CCNA2: variants seen among roughly 807,000 people sequenced by gnomAD.
CCNA2 encodes cyclin-A2.
A neutral mutation model predicts 49.4 loss-of-function variants in CCNA2; 3 were observed. The observed-to-expected ratio is 0.06, with a 90% confidence interval of 0.03 to 0.16. CCNA2 has a LOEUF of 0.16. Among genes scored for constraint, CCNA2 ranks in the 10% least tolerant of loss-of-function variants. The pLI is 1.00. For synonymous variants in CCNA2, 206 were observed against 197.2 expected, an observed-to-expected ratio of 1.04 and a Z score of -0.37; for missense variants, 372 against 519.7, an observed-to-expected ratio of 0.72 and a Z score of 2.76.
In CCNA2 at chr4:121,822,393, T is replaced by C; in HGVS notation, c.457+10A>G. On this transcript the variant is annotated intron_variant, in intron 2 of 7. Transcript: ENST00000274026. ...ACCGTAATTCCACACAGATTTTCCT[T>C]AAAACTTACCAAAACTACCATCCAT... The C allele has an allele frequency of 6.2e-7, 1 of 1,612,326 alleles. No homozygotes were observed. Among genetic ancestry groups the C allele is most frequent in the Non-Finnish European group, 8.5e-7 (1 of 1,178,908 alleles).
At chr4:121,821,583 G>A (rs1724693237) in intron 2 of CCNA2, among the ~76,000 whole-genome samples, 2 of 152,130 alleles carry the variant, frequency 1.3e-5, no homozygotes, top group Admixed American at 1.3e-4. Context: ...TTTGTTATGG[G>A]CAAATGGATT....
rs1724566036 is a variant in CCNA2, at chr4:121,817,417, C to CTT, written c.*219_*220dup. 1 of 458,496 alleles carries CTT rather than the reference C, an allele frequency of 2.2e-6. No individual in the cohort carries two copies. The highest frequency in any genetic ancestry group is 3.9e-5 in the Admixed American group (1 of 25,904). 28.4% of individuals were successfully genotyped at this position (458,496 alleles called of 1,614,324 possible). A position where few individuals can be genotyped will look rare whatever the true frequency, so the allele number is the denominator to read the frequency against. On this transcript the variant is annotated 3_prime_UTR_variant, in exon 8 of 8. Transcript: ENST00000274026. ...ATCCTGACAGCTGGCATCATTAATA[C>CTT]TTTAACAAAACCACTTAAAATTAGC... is the stretch of plus-strand genomic sequence containing the variant.
In CCNA2 at chr4:121,823,721, A is replaced by G; in HGVS notation, c.-93T>C. On this transcript the variant is annotated 5_prime_UTR_variant, in exon 1 of 8. Transcript: ENST00000274026. ...ACCACTCGCACCGACCCGGCCAAAG[A>G]ATAGTCGTAGCCGCCGGTCGCAGCC... 1 of 1,457,932 alleles carries G rather than the reference A, an allele frequency of 6.9e-7. No individual in the cohort carries two copies. Among genetic ancestry groups the G allele is most frequent in the Non-Finnish European group, 9.0e-7 (1 of 1,107,796 alleles). The allele number at this position is 1,457,932 out of a possible 1,614,324, so 90.3% of individuals were successfully genotyped here. A position where few individuals can be genotyped will look rare whatever the true frequency, so the allele number is the denominator to read the frequency against.
At position 121,817,725 on chromosome 4, in the gene CCNA2, T is replaced by A. The variant is rs760579961; in HGVS notation, c.1251-39A>T. 5 of 1,611,616 alleles carry A rather than the reference T, an allele frequency of 3.1e-6. No individual in the cohort carries two copies. The South Asian group carries it at 3.3e-5, about 11-fold the overall frequency. On this transcript the variant is annotated intron_variant, in intron 7 of 7. Coordinates refer to ENST00000274026, the MANE Select transcript of CCNA2 (RefSeq NM_001237.5). ...AAAAAAAAGCATTTTTAGTAAACACTCACTGGGTAAAGGAGATCATGGAAT... is the reference window on the plus strand; with the variant it reads ...AAAAAAAAGCATTTTTAGTAAACACACACTGGGTAAAGGAGATCATGGAAT...
chr4:121,820,941 C>G lies in CCNA2; in HGVS notation c.570+38G>C, dbSNP rs1724677217. ...CTCAATTTCATTTAGCCACATTTAA[C>G]AAATACATTATACAAACTGGATTCA... On this transcript the variant is annotated intron_variant, in intron 3 of 7. Coordinates refer to ENST00000274026, the MANE Select transcript of CCNA2 (RefSeq NM_001237.5). This position sits in a 1 kb window ranked among gnomAD's most constrained non-coding sequence, Gnocchi z 4.1. 6 of 1,537,210 alleles carry G rather than the reference C, an allele frequency of 3.9e-6. No individual in the cohort carries two copies. The highest frequency in any genetic ancestry group is 5.4e-6 in the Non-Finnish European group (6 of 1,118,264).
rs1724514838 is a variant in CCNA2 at position 121,816,490 on chromosome 4, A to G, written c.*1148T>C. ...TATTTCAAATGTATACATATACTCA[A>G]CACTTATAGAGGTTTGCTCTCTGGT... On this transcript the variant is annotated 3_prime_UTR_variant, in exon 8 of 8. Transcript: ENST00000274026. 3 of 1,241,782 alleles carry G rather than the reference A, an allele frequency of 2.4e-6. No homozygotes were observed. The highest frequency in any genetic ancestry group is 3.1e-5 in the African/African-American group (2 of 65,472). 76.9% of individuals were successfully genotyped at this position (1,241,782 alleles called of 1,614,324 possible). A position where few individuals can be genotyped will look rare whatever the true frequency, so the allele number is the denominator to read the frequency against.
rs778497334 is a variant in CCNA2 at position 121,816,831 on chromosome 4, GA to G, written c.*806del. The G allele has an allele frequency of 6.3e-7, 1 of 1,595,236 alleles. No homozygotes were observed. Among genetic ancestry groups the G allele is most frequent in the Non-Finnish European group, 8.6e-7 (1 of 1,169,072 alleles). On this transcript the variant is annotated 3_prime_UTR_variant, in exon 8 of 8. Transcript: ENST00000274026. ...CCAAGTAAAAAGCCAGTGAAAAGAA[GA>G]AAAAAGAAGAGAGCTGCCAATTAAA... is the stretch of plus-strand genomic sequence containing the variant.
At position 121,816,896 on chromosome 4, in the gene CCNA2, G is replaced by T. The variant is rs549907729; in HGVS notation, c.*742C>A. ...TATCTGTATATATAACTATTAAAAG[G>T]GATATTTATTCCATTCTGAGAACCC... On this transcript the variant is annotated 3_prime_UTR_variant, in exon 8 of 8. Coordinates refer to ENST00000274026, the MANE Select transcript of CCNA2 (RefSeq NM_001237.5). The T allele has an allele frequency of 1.0e-5, 15 of 1,462,628 alleles. No individual in the cohort carries two copies. The Admixed American group carries it at 2.4e-4, about 23-fold the overall frequency. The allele number at this position is 1,462,628 out of a possible 1,614,324, so 90.6% of individuals were successfully genotyped here. A position where few individuals can be genotyped will look rare whatever the true frequency, so the allele number is the denominator to read the frequency against.
chr4:121,821,018 G>C lies in CCNA2; in HGVS notation c.531C>G (p.Asp177Glu). ...GGTATGTGTGAATATCCTCATGGTA[G>C]TCTGGTACTTCATTAACACTCACTG... ...EKPVSVNEVPDYHEDIHTYLR... is the reference protein window; with the variant it reads ...EKPVSVNEVPEYHEDIHTYLR... The change falls in exon 3 of 8, where the codon GAC (aspartate) becomes GAG (glutamate). Residue 177 changes from aspartate to glutamate, a missense_variant. Around this residue, in one of 2 missense-constraint regions of CCNA2, gnomAD observed 217 missense variants for 231.7 expected, o/e 0.94. Transcript: ENST00000274026. 6.2e-7 allele frequency: 1 copy of C among 1,613,008 alleles called. No homozygotes were observed. Among genetic ancestry groups the C allele is most frequent in the South Asian group, 1.1e-5 (1 of 91,052 alleles).
chr4:121,816,978 T>G lies in CCNA2; in HGVS notation c.*660A>C. 2.8e-6 allele frequency: 3 copies of G among 1,064,840 alleles called. No individual in the cohort carries two copies. Among genetic ancestry groups the G allele is most frequent in the Non-Finnish European group, 3.9e-6 (3 of 778,212 alleles). 66.0% of individuals were successfully genotyped at this position (1,064,840 alleles called of 1,614,324 possible). On this transcript the variant is annotated 3_prime_UTR_variant, in exon 8 of 8. Coordinates refer to ENST00000274026, the MANE Select transcript of CCNA2 (RefSeq NM_001237.5). ...AATCTAGCAGGATTTTAAAAATAGT[T>G]TTTTGTTTTTAATGTGCTTTAAAAT...
chr4:121,822,668 G>A (rs747013132), intron 1 of CCNA2, 22 bp from the exon 2 acceptor site: 14 of 1,607,720 alleles, frequency 8.7e-6, no homozygotes, highest in Non-Finnish European at 1.2e-5. Context: ...TTAATAACTG[G>A]CTTTGAGCCT....
chr4:121,821,478 G>A (rs1376772492), intron 2 of CCNA2, among the ~76,000 whole-genome samples: 1 of 152,112 alleles, frequency 6.6e-6, no homozygotes, highest in Non-Finnish European at 1.5e-5. Flanking sequence ...AAGAGAAACT[G>A]CAGATCCCAG....
Position 121,817,005 on chromosome 4 carries a change from A to C in CCNA2, c.*633T>G. On this transcript the variant is annotated 3_prime_UTR_variant, in exon 8 of 8. Transcript: ENST00000274026. Reference sequence around the variant, plus strand: ...TTTGTTTTTAATGTGCTTTAAAATAATAAACCTTCTGGAGCATTTCTCGTC... The same window carrying C: ...TTTGTTTTTAATGTGCTTTAAAATACTAAACCTTCTGGAGCATTTCTCGTC... 1 of 769,670 alleles carries C rather than the reference A, an allele frequency of 1.3e-6. No individual in the cohort carries two copies. Among genetic ancestry groups the C allele is most frequent in the Non-Finnish European group, 2.0e-6 (1 of 511,390 alleles). The allele number at this position is 769,670 out of a possible 1,614,324, so 47.7% of individuals were successfully genotyped here.
Position 121,823,659 on chromosome 4 carries a change from G to C in CCNA2, c.-31C>G, listed in dbSNP as rs1420706131. On this transcript the variant is annotated 5_prime_UTR_variant, in exon 1 of 8. Coordinates refer to ENST00000274026, the MANE Select transcript of CCNA2 (RefSeq NM_001237.5). The stretch of plus-strand genomic sequence containing the variant: ...CTCCCGGGAGTGGACGGCGGGATCA[G>C]CCTGCGGCGCCAAGCAGCGTGCACT... 6.5e-7 allele frequency: 1 copy of C among 1,537,354 alleles called. No homozygotes were observed. The highest frequency in any genetic ancestry group is 1.4e-5 in the African/African-American group (1 of 73,734).
Position 121,823,841 on chromosome 4 carries a change from G to T in CCNA2, c.-213C>A. The T allele has an allele frequency of 3.5e-6, 3 of 867,304 alleles. No homozygotes were observed. Among genetic ancestry groups the T allele is most frequent in the Non-Finnish European group, 5.0e-6 (3 of 605,022 alleles). 53.7% of individuals were successfully genotyped at this position (867,304 alleles called of 1,614,324 possible). ...AAGGCGCAGGCAGGCACTGCCCAGC[G>T]TGGCGAGCCAAAGACGCCCAGAGAT... On this transcript the variant is annotated 5_prime_UTR_variant, in exon 1 of 8. Transcript: ENST00000274026.
Position 121,822,579 on chromosome 4 carries a change from C to T in CCNA2, c.281G>A (p.Ser94Asn), listed in dbSNP as rs1428685436. 3 of 1,614,002 alleles carry T rather than the reference C, an allele frequency of 1.9e-6. No homozygotes were observed. The highest frequency in any genetic ancestry group is 1.3e-5 in the African/African-American group (1 of 74,900). The part of the protein sequence containing the change: ...HVTVPPWKAN[S>N]KQPAFTIHVD... ...ATGAATGGTGAACGCAGGCTGTTTA[C>T]TGTTTGCTTTCCAAGGAGGAACGGT... is the stretch of plus-strand genomic sequence containing the variant. Residue 94 changes from serine (S) to asparagine (N), a missense_variant, in exon 2 of 8, where the codon AGT becomes AAT. By Grantham distance (46) the Ser-to-Asn change is conservative (BLOSUM62 1). Transcript: ENST00000274026.
intron 4 of CCNA2, among the ~76,000 whole-genome samples, chr4:121,819,937 T>G (rs1327988591): frequency 2.7e-5 from 4 of 150,360 alleles, no homozygotes; most frequent in Non-Finnish European, 3.0e-5. Flanking sequence ...TAGTTTTTCT[T>G]TCTTTTTTTT....
At chr4:121,818,610 T>A (rs1408161669) in intron 6 of CCNA2, among the ~76,000 whole-genome samples, 190 bp downstream of exon 6, 1 of 152,160 alleles carries the variant, frequency 6.6e-6, no homozygotes, top group Non-Finnish European at 1.5e-5. Flanking sequence ...CACATTTGAT[T>A]GGAAAAAAAT....
chr4:121,821,301 G>GAA (rs57392792), intron 2 of CCNA2, among the ~76,000 whole-genome samples: 1 of 141,338 alleles, frequency 7.1e-6, no homozygotes, highest in Non-Finnish European at 1.6e-5. Flanking sequence ...GTTAATGAGG[G>GAA]AAAAAAAAAA....
Sources: allele counts gnomAD v4.1 joint callset (sites outside exome capture counted in the v4.1 genomes callset), GRCh38; gene constraint gnomAD v4.1.1; regional missense constraint gnomAD v4.1.1; non-coding constraint Gnocchi (gnomAD v3.1); transcripts MANE v1.5; gene names NCBI Gene and HGNC (gene_info 2026-07-23, HGNC 2026-07-21).